Variants in THAP10 observed in about 807,000 individuals in gnomAD.
The protein encoded by THAP10 is THAP domain-containing protein 10.
A neutral mutation model predicts 15.7 loss-of-function variants in THAP10; 10 were observed. The ratio of observed to expected loss-of-function variants is 0.64; its 90% CI spans 0.39 to 1.08. The LOEUF (loss-of-function observed/expected upper bound fraction) is 1.08. Ranked by LOEUF, THAP10 falls within the 50% of genes least tolerant of loss-of-function variation. The pLI is 0.01. For missense variants in THAP10, 310 were observed against 330.9 expected (o/e 0.94, Z 0.49); for synonymous variants, 127 against 129.1 (o/e 0.98, Z 0.11).
In THAP10 at chr15:70,891,990, G is replaced by C. The variant is rs1373288758; in HGVS notation, c.283C>G (p.Pro95Ala). The stretch of plus-strand genomic sequence containing the variant: ...CCCTCCTCTCCCCTCTTAGGTGCCG[G>C]GGCGGGCACCCGGTGCAGGGTGGGC... ...AVPTLHRVPA[P>A]APKRGEEGDQ... The change falls in exon 1 of 3, where the codon CCG becomes GCG. Residue 95 changes from proline to alanine, a missense_variant. Transcript: ENST00000249861. 1 of 1,613,204 alleles carries C rather than the reference G, an allele frequency of 6.2e-7. No individual in the cohort carries two copies. The highest frequency in any genetic ancestry group is 8.5e-7 in the Non-Finnish European group (1 of 1,179,730).
At chr15:70,884,860 A>T (rs1023948383) in intron 1 of THAP10, among the ~76,000 whole-genome samples, 2 of 152,222 alleles carry the variant, frequency 1.3e-5, no homozygotes, top group African/African-American at 2.4e-5. Flanking sequence ...GAAGCTAAAA[A>T]TTAGTCATAA....
In THAP10 at chr15:70,892,129, A is replaced by T. The variant is rs1380215488; in HGVS notation, c.144T>A (p.Asn48Lys). 1.2e-6 allele frequency: 2 copies of T among 1,613,712 alleles called. No individual in the cohort carries two copies. The change falls in exon 1 of 3, where the codon AAT becomes AAA. Residue 48 changes from asparagine to lysine, a missense_variant. Physicochemically the swap from Asn to Lys is moderately conservative, Grantham distance 94. Transcript: ENST00000249861. The part of the protein sequence containing the change: ...RGCRADWYGG[N>K]DRSVICSDHF... ...GGTCAGAGCAGATGACCGAGCGGTC[A>T]TTGCCTCCGTACCAGTCGGCGCGGC... is the stretch of plus-strand genomic sequence containing the variant.
rs2033591499 is a variant in THAP10 at position 70,891,938 on chromosome 15, C to G, written c.335G>C (p.Arg112Pro). ...ATGCCTGGCTGCCTGGAGCTCTCCTCGCGTGTCCAGGCGGCCTGCTTGGTC... is the reference window on the plus strand; with the variant it reads ...ATGCCTGGCTGCCTGGAGCTCTCCTGGCGTGTCCAGGCGGCCTGCTTGGTC... ...EGDQAGRLDT[R>P]GELQAARHSE... The change falls in exon 1 of 3, where the codon CGA becomes CCA. Residue 112 changes from arginine to proline, a missense_variant. Transcript: ENST00000249861. 5 of 1,613,644 alleles carry G rather than the reference C, an allele frequency of 3.1e-6. No homozygotes were observed. The highest frequency in any genetic ancestry group is 1.3e-5 in the African/African-American group (1 of 74,922).
chr15:70,883,907 C>T (rs2033334549), intron 1 of THAP10, among the ~76,000 whole-genome samples: 1 of 152,088 alleles, frequency 6.6e-6, no homozygotes, highest in Non-Finnish European at 1.5e-5. Flanking sequence ...CCGCCTGCCT[C>T]AGCCTCCCAA....
intron 1 of THAP10, among the ~76,000 whole-genome samples, chr15:70,889,682 C>T (rs1223011605): frequency 6.6e-6 from 1 of 152,032 alleles, no homozygotes; most frequent in African/African-American, 2.4e-5. Flanking sequence ...TTTTGGAAGC[C>T]CCCTAAAGAT....
intron 1 of THAP10, among the ~76,000 whole-genome samples, chr15:70,884,986 ATC>A (rs925171957): frequency 2.0e-5 from 3 of 152,164 alleles, no homozygotes; most frequent in African/African-American, 4.8e-5. Context: ...TTTATATATA[ATC>A]TGTTATTAAA....
Position 70,882,108 on chromosome 15 carries a change from A to G in THAP10, c.*346T>C, listed in dbSNP as rs1030564814. 4 of 191,214 alleles carry G rather than the reference A, an allele frequency of 2.1e-5. No homozygotes were observed. Among genetic ancestry groups the G allele is most frequent in the African/African-American group, 7.1e-5 (3 of 42,296 alleles). The allele number at this position is 191,214 out of a possible 1,614,324, so 11.8% of individuals were successfully genotyped here. On this transcript the variant is annotated 3_prime_UTR_variant, in exon 3 of 3. Coordinates refer to ENST00000249861, the MANE Select transcript of THAP10 (RefSeq NM_020147.4). The stretch of plus-strand genomic sequence containing the variant: ...AGGGATATTCTAACTAGCAAATGTC[A>G]AGTCCTGTAGGAGCGTTGCTTCTGA...
At chr15:70,886,721 C>T (rs2033417496) in intron 1 of THAP10, among the ~76,000 whole-genome samples, 1 of 151,892 alleles carries the variant, frequency 6.6e-6, no homozygotes. Context: ...CAAAAATTAG[C>T]TGGGTGCGGT....
Position 70,892,231 on chromosome 15 carries a change from G to T in THAP10, c.42C>A (p.Thr14=). ...RCVAAHCGNT[T]KSGKSLFRFP... is the part of the protein sequence containing the mutation. ...AGCGGAACAGCGACTTCCCAGACTT[G>T]GTGGTGTTGCCGCAGTGGGCGGCCA... Residue 14 remains threonine (T), a synonymous_variant, in exon 1 of 3, where the codon ACC becomes ACA. Coordinates refer to ENST00000249861, the MANE Select transcript of THAP10 (RefSeq NM_020147.4). The T allele has an allele frequency of 6.3e-7, 1 of 1,591,168 alleles. No individual in the cohort carries two copies. Among genetic ancestry groups the T allele is most frequent in the African/African-American group, 1.3e-5 (1 of 74,630 alleles).
chr15:70,887,767 A>G (rs2033449420), intron 1 of THAP10, among the ~76,000 whole-genome samples: 1 of 152,194 alleles, frequency 6.6e-6, no homozygotes, highest in African/African-American at 2.4e-5. Flanking sequence ...AATACGAAAT[A>G]AAAACACGAA....
chr15:70,890,132 G>A (rs1454824800), intron 1 of THAP10, among the ~76,000 whole-genome samples: 1 of 152,140 alleles, frequency 6.6e-6, no homozygotes, highest in Admixed American at 6.5e-5. Context: ...GACTTTGGTT[G>A]TTTGACTAGC....
chr15:70,883,954 C>T (rs146870785), intron 1 of THAP10, among the ~76,000 whole-genome samples: 10 of 152,088 alleles, frequency 6.6e-5, no homozygotes, highest in African/African-American at 9.6e-5. Context: ...TTGTGCCAGG[C>T]GGTGAAATTT....
chr15:70,888,832 T>A (rs1048437949), intron 1 of THAP10, among the ~76,000 whole-genome samples: 25 of 152,102 alleles, frequency 1.6e-4, no homozygotes, highest in Admixed American at 6.5e-5. Flanking sequence ...TACCTAAATA[T>A]CCAATTAATA....
chr15:70,891,238 GA>G (rs2033551955), intron 1 of THAP10, among the ~76,000 whole-genome samples: 1 of 152,188 alleles, frequency 6.6e-6, no homozygotes. Context: ...AGAAGGAACA[GA>G]AAAGTAGGCA....
At chr15:70,888,288 T>A (rs145793879) in intron 1 of THAP10, among the ~76,000 whole-genome samples, 2 of 152,138 alleles carry the variant, frequency 1.3e-5, no homozygotes, top group African/African-American at 2.4e-5. Context: ...AATAAAGCTA[T>A]ATAAGACACT....
chr15:70,887,096 G>A (rs1211905543), intron 1 of THAP10, among the ~76,000 whole-genome samples: 2 of 151,998 alleles, frequency 1.3e-5, no homozygotes, highest in Non-Finnish European at 2.9e-5. Context: ...AAAGAACTCT[G>A]AATAACCTTA....
chr15:70,889,246 G>C (rs1278090253), intron 1 of THAP10, among the ~76,000 whole-genome samples: 1 of 152,074 alleles, frequency 6.6e-6, no homozygotes, highest in African/African-American at 2.4e-5. Flanking sequence ...ACATAATAAT[G>C]AAAATGAACT....
In THAP10 at chr15:70,886,082, C is replaced by T. The variant is rs1442906118; in HGVS notation, c.430-3174G>A. Among the ~76,000 whole-genome samples the T allele has an allele frequency of 7.9e-5, 12 of 151,866 alleles. No individual in the cohort carries two copies. The South Asian group carries it at 2.1e-3, about 26-fold the overall frequency. On this transcript the variant is annotated intron_variant, in intron 1 of 2. Coordinates refer to ENST00000249861, the MANE Select transcript of THAP10 (RefSeq NM_020147.4). Reference sequence around the variant, plus strand: ...AAAAAATATACTTCTAATTAACCCACGAATAAAAGATAAAATCACAATGGA... The same window carrying T: ...AAAAAATATACTTCTAATTAACCCATGAATAAAAGATAAAATCACAATGGA...
rs563940504 is a variant in THAP10 at position 70,882,436 on chromosome 15, G to A, written c.*18C>T. 1 of 1,563,526 alleles carries A rather than the reference G, an allele frequency of 6.4e-7. No homozygotes were observed. Among genetic ancestry groups the A allele is most frequent in the South Asian group, 1.1e-5 (1 of 88,122 alleles). On this transcript the variant is annotated 3_prime_UTR_variant, in exon 3 of 3. Coordinates refer to ENST00000249861, the MANE Select transcript of THAP10 (RefSeq NM_020147.4). ...ATTTGAAAATCTATAGCACATCAGA[G>A]CATTTGATGTTGAGTTTTTAACATG...
Sources: allele counts gnomAD v4.1 joint callset (sites outside exome capture counted in the v4.1 genomes callset), GRCh38; gene constraint gnomAD v4.1.1; transcripts MANE v1.5; gene names NCBI Gene and HGNC (gene_info 2026-07-23, HGNC 2026-07-21).